The following MED17 variants were observed in gnomAD, a reference collection of about 807,000 sequenced individuals.
MED17 encodes the protein mediator complex subunit 17, also known as mediator of RNA polymerase II transcription subunit 17.
Under a neutral mutation model 80.8 loss-of-function variants are expected in MED17, and 49 were observed. The ratio of observed to expected loss-of-function variants is 0.61; its 90% CI spans 0.48 to 0.77. The LOEUF (loss-of-function observed/expected upper bound fraction) is 0.77. Ranked by LOEUF, MED17 falls within the 30% of genes least tolerant of loss-of-function variation. The probability of loss-of-function intolerance (pLI) is 0.00; values close to 1 mark genes in which losing one functional copy is unlikely to be tolerated. For synonymous variants in MED17, 281 were observed against 280.4 expected, an observed-to-expected ratio of 1.00 and a Z score of -0.02; for missense variants, 718 against 787.0, an observed-to-expected ratio of 0.91 and a Z score of 1.05.
At chr11:93,792,969 A>G (rs1047847867) in intron 3 of MED17, among the ~76,000 whole-genome samples, 2 of 151,952 alleles carry the variant, frequency 1.3e-5, no homozygotes, top group Non-Finnish European at 2.9e-5. Context: ...TAAAAAATCT[A>G]GGAAACTGGT....
chr11:93,803,999 GTATATATATATATA>G (rs1166820708), intron 9 of MED17, among the ~76,000 whole-genome samples: 1 of 27,132 alleles, frequency 3.7e-5, no homozygotes, highest in African/African-American at 9.3e-5. Context: ...ATATGTGTGT[GTATATATATATATA>G]TATATATATA....
chr11:93,798,599 A>G (rs576164134), intron 8 of MED17, among the ~76,000 whole-genome samples: 2 of 152,308 alleles, frequency 1.3e-5, no homozygotes, highest in African/African-American at 4.8e-5. Context: ...AGAAGACAGC[A>G]TGAGGCAGTG....
intron 9 of MED17, among the ~76,000 whole-genome samples, chr11:93,802,666 C>A (rs1943974822): frequency 6.6e-6 from 1 of 152,076 alleles, no homozygotes; most frequent in African/African-American, 2.4e-5. Context: ...CATTTGTATT[C>A]TAGCCTATAC....
chr11:93,808,116 C>T (rs1944045143), intron 10 of MED17: 1 of 179,000 alleles, frequency 5.6e-6, no homozygotes, highest in Non-Finnish European at 1.2e-5. Context: ...ATAATCCCAG[C>T]ACTTTGGGAG....
At chr11:93,792,764 C>T (rs1346434055) in intron 3 of MED17, among the ~76,000 whole-genome samples, 1 of 151,776 alleles carries the variant, frequency 6.6e-6, no homozygotes, top group Non-Finnish European at 1.5e-5. Flanking sequence ...CAACATAGAC[C>T]CTATCTCTAA....
In MED17 at chr11:93,794,888, A is replaced by G. The variant is rs766055940; in HGVS notation, c.860-20A>G. ...CATAATATGGTTAGATAATTGATACATATATTTCTTGTCTTTCAGGTTCCC... is the reference window on the plus strand; with the variant it reads ...CATAATATGGTTAGATAATTGATACGTATATTTCTTGTCTTTCAGGTTCCC... On this transcript the variant is annotated intron_variant, in intron 5 of 11. Transcript: ENST00000251871. 11 of 1,612,702 alleles carry G rather than the reference A, an allele frequency of 6.8e-6. No individual in the cohort carries two copies. The highest frequency in any genetic ancestry group is 1.7e-5 in the Admixed American group (1 of 60,030).
At position 93,809,417 on chromosome 11, in the gene MED17, T is replaced by G. The variant is rs1591391785; in HGVS notation, c.1585-300T>G. On this transcript the variant is annotated intron_variant, in intron 10 of 11. Coordinates refer to ENST00000251871, the MANE Select transcript of MED17 (RefSeq NM_004268.5). ...GGCAGTGGATTTGAAGGGGCAAATG[T>G]TACACCATATTCAGTGATCTAGATG... 9 of 427,830 alleles carry G rather than the reference T, an allele frequency of 2.1e-5. No individual in the cohort carries two copies. In the East Asian group the frequency reaches 4.5e-4, roughly 22 times the overall value. The allele number at this position is 427,830 out of a possible 1,614,324, so 26.5% of individuals were successfully genotyped here.
At chr11:93,784,845 T>A (rs1394528746) in intron 1 of MED17, 82 bp downstream of exon 1, 1 of 1,508,194 alleles carries the variant, frequency 6.6e-7, no homozygotes, top group Non-Finnish European at 8.8e-7. Context: ...GCGATGGGGG[T>A]GATCTTGTGC....
chr11:93,784,702 C>T lies in MED17; in HGVS notation c.189C>T (p.Thr63=), dbSNP rs1565286844. The T allele has an allele frequency of 1.3e-6, 2 of 1,551,502 alleles. No individual in the cohort carries two copies. Among genetic ancestry groups the T allele is most frequent in the Non-Finnish European group, 1.7e-6 (2 of 1,149,424 alleles). The change falls in exon 1 of 12, where the codon ACC becomes ACT. Residue 63 remains threonine, a synonymous_variant. Coordinates refer to ENST00000251871, the MANE Select transcript of MED17 (RefSeq NM_004268.5). ...SGSEEEEAAG[T]EGDAQEWPGA... The stretch of plus-strand genomic sequence containing the variant: ...CCGAGGAGGAGGAGGCGGCGGGGAC[C>T]GAGGGCGACGCGCAGGAGTGGCCGG...
At chr11:93,796,389 C>A (rs775297943) in intron 6 of MED17, 21 bp from the exon 7 acceptor site, 1 of 1,599,528 alleles carries the variant, frequency 6.3e-7, no homozygotes, top group Non-Finnish European at 8.6e-7. Flanking sequence ...TTACATATGT[C>A]CTCCTTCTTT....
In MED17 at chr11:93,784,718, G is replaced by A; in HGVS notation, c.205G>A (p.Glu69Lys). ...EAAGTEGDAQ[E>K]WPGAGSSADQ... The stretch of plus-strand genomic sequence containing the variant: ...GGCGGGGACCGAGGGCGACGCGCAG[G>A]AGTGGCCGGGCGCCGGGTCCAGCGC... Residue 69 changes from glutamate to lysine, a missense_variant, in exon 1 of 12, where the codon GAG (glutamate) becomes AAG (lysine). By Grantham distance (56) the Glu-to-Lys change is moderately conservative (BLOSUM62 1). Coordinates refer to ENST00000251871, the MANE Select transcript of MED17 (RefSeq NM_004268.5). 6.5e-7 allele frequency: 1 copy of A among 1,547,310 alleles called. No individual in the cohort carries two copies. Among genetic ancestry groups the A allele is most frequent in the Non-Finnish European group, 8.7e-7 (1 of 1,148,766 alleles).
At chr11:93,796,334 T>C (rs1943900792) in intron 6 of MED17, 76 bp from the exon 7 acceptor site, 2 of 1,284,088 alleles carry the variant, frequency 1.6e-6, no homozygotes, top group Non-Finnish European at 2.2e-6. Flanking sequence ...GAACTATGAT[T>C]ATACTTTATG....
Position 93,796,472 on chromosome 11 carries a change from A to C in MED17, c.1075A>C (p.Thr359Pro), listed in dbSNP as rs139951951. The change falls in exon 7 of 12, where the codon ACT becomes CCT. Residue 359 changes from threonine to proline, a missense_variant. Thr to Pro is a conservative substitution (Grantham distance 38). Coordinates refer to ENST00000251871, the MANE Select transcript of MED17 (RefSeq NM_004268.5). ...TGATAAGAAATCCCAAAAATTTGCTACTGAGAAGCAATGTCCGGAGGACCA... is the reference window on the plus strand; with the variant it reads ...TGATAAGAAATCCCAAAAATTTGCTCCTGAGAAGCAATGTCCGGAGGACCA... ...SNDKKSQKFA[T>P]EKQCPEDHLY... 6 of 1,613,552 alleles carry C rather than the reference A, an allele frequency of 3.7e-6. No individual in the cohort carries two copies. The highest frequency in any genetic ancestry group is 4.2e-6 in the Non-Finnish European group (5 of 1,179,456).
intron 10 of MED17, chr11:93,807,889 T>C (rs1332700050): frequency 6.1e-6 from 3 of 492,364 alleles, no homozygotes; most frequent in East Asian, 3.9e-5. Context: ...CTAGCAAGTT[T>C]TTTTTCCCAC....
Position 93,784,735 on chromosome 11 carries a change from G to C in MED17, c.222G>C (p.Gly74=). 6.5e-7 allele frequency: 1 copy of C among 1,542,950 alleles called. No individual in the cohort carries two copies. The highest frequency in any genetic ancestry group is 1.4e-5 in the African/African-American group (1 of 73,666). ...ACGCGCAGGAGTGGCCGGGCGCCGG[G>C]TCCAGCGCAGACCAGGACGACGAGG... is the stretch of plus-strand genomic sequence containing the variant. ...EGDAQEWPGA[G]SSADQDDEEG... Residue 74 remains glycine, a synonymous_variant, in exon 1 of 12, where the codon GGG becomes GGC. Coordinates refer to ENST00000251871, the MANE Select transcript of MED17 (RefSeq NM_004268.5).
intron 9 of MED17, among the ~76,000 whole-genome samples, chr11:93,802,786 G>C (rs1196040841): frequency 2.0e-5 from 3 of 152,168 alleles, no homozygotes; most frequent in Non-Finnish European, 4.4e-5. Context: ...GTTGATAACT[G>C]TGTGTCTGTG....
At position 93,790,722 on chromosome 11, in the gene MED17, G is replaced by T; in HGVS notation, c.566G>T (p.Arg189Leu). 1 of 1,614,244 alleles carries T rather than the reference G, an allele frequency of 6.2e-7. No individual in the cohort carries two copies. Residue 189 changes from arginine to leucine, a missense_variant, in exon 3 of 12, where the codon CGA becomes CTA. By Grantham distance (102) the Arg-to-Leu change is moderately radical (BLOSUM62 -2). Transcript: ENST00000251871. ...AGAGACTTCAATTCTGAGCTTTTGC[G>T]ATTACGGCAACACTGGAAACTTCGA... ...LQRDFNSELL[R>L]LRQHWKLRKV...
In MED17 at chr11:93,812,619, T is replaced by A. The variant is rs1944095223; in HGVS notation, c.*555T>A. 1 of 156,476 alleles carries A rather than the reference T, an allele frequency of 6.4e-6. No homozygotes were observed. 9.7% of individuals were successfully genotyped at this position (156,476 alleles called of 1,614,324 possible). On this transcript the variant is annotated 3_prime_UTR_variant, in exon 12 of 12. Transcript: ENST00000251871. ...ACGCCTGGCTAATTTTTGTATTTTT[T>A]ATAAAGACAGGGTTTTTCCATGTTG...
At chr11:93,798,002 G>A (rs868486147) in intron 8 of MED17, among the ~76,000 whole-genome samples, 6 of 152,152 alleles carry the variant, frequency 3.9e-5, no homozygotes, top group African/African-American at 1.4e-4. Context: ...CAGTAACCCA[G>A]CCGTGAGATA....
Sources: gnomAD v4.1 joint callset for allele counts (sites outside exome capture counted in the v4.1 genomes callset) on GRCh38, gnomAD v4.1.1 for gene constraint, MANE v1.5 for transcripts, NCBI Gene and HGNC (gene_info 2026-07-23, HGNC 2026-07-21) for gene names.